GRM4: variants seen among roughly 807,000 people sequenced by gnomAD.
The protein encoded by GRM4 is metabotropic glutamate receptor 4.
A neutral mutation model predicts 81.7 loss-of-function variants in GRM4; 28 were observed. The observed-to-expected ratio is 0.34, with a 90% CI of 0.25 to 0.47. GRM4 has a LOEUF of 0.47. Among genes scored for constraint, GRM4 ranks in the 20% least tolerant of loss-of-function variants. The pLI is 1.00. For synonymous variants in GRM4, 488 were observed against 528.8 expected, an observed-to-expected ratio of 0.92 and a Z score of 1.06; for missense variants, 948 against 1,290.0, an observed-to-expected ratio of 0.73 and a Z score of 4.06.
chr6:34,027,855 A>G (rs1364094704), intron 10 of GRM4, among the ~76,000 whole-genome samples: 1 of 152,122 alleles, frequency 6.6e-6, no homozygotes, highest in Non-Finnish European at 1.5e-5. Flanking sequence ...GGGCGCTGCT[A>G]GGGCACCAGC....
At chr6:34,097,648 C>T (rs902823655) in intron 2 of GRM4, among the ~76,000 whole-genome samples, 4 of 152,190 alleles carry the variant, frequency 2.6e-5, no homozygotes, top group African/African-American at 9.7e-5. Context: ...TCTGAAAACC[C>T]GCTGAGGGCA....
At position 34,111,852 on chromosome 6, in the gene GRM4, A is replaced by AT; in HGVS notation, c.520-19754dup. Among the ~76,000 whole-genome samples, 1 of 152,278 alleles carries AT rather than the reference A, an allele frequency of 6.6e-6. No homozygotes were observed. Among genetic ancestry groups the AT allele is most frequent in the South Asian group, 2.1e-4 (1 of 4,824 alleles). On this transcript the variant is annotated intron_variant, in intron 2 of 10. Coordinates refer to ENST00000538487, the MANE Select transcript of GRM4 (RefSeq NM_000841.4). This position sits in a 1 kb window ranked among gnomAD's most constrained non-coding sequence, Gnocchi z 5.1. ...TCCTCAGTCACCAGCCTGCCCAGGA[A>AT]TTGGCACTGCTTGGGGGAGTGTGGC...
chr6:34,106,771 C>T (rs1378329485), intron 2 of GRM4, among the ~76,000 whole-genome samples: 3 of 152,246 alleles, frequency 2.0e-5, no homozygotes, highest in Non-Finnish European at 4.4e-5. Context: ...GCTAGAGCCC[C>T]AGGACTTAGG....
intron 3 of GRM4, among the ~76,000 whole-genome samples, chr6:34,077,132 C>T (rs190161769): frequency 1.3e-5 from 2 of 152,220 alleles, no homozygotes; most frequent in Admixed American, 6.5e-5. Flanking sequence ...AGGGACTAGA[C>T]GCTCAAGTAA....
At chr6:34,051,847 G>A (rs892110364) in intron 6 of GRM4, among the ~76,000 whole-genome samples, 1 of 152,182 alleles carries the variant, frequency 6.6e-6, no homozygotes, top group Admixed American at 6.5e-5. Context: ...AATGGGAGGG[G>A]ATAATATAAT....
At position 34,036,089 on chromosome 6, in the gene GRM4, G is replaced by A; in HGVS notation, c.2021C>T (p.Thr674Ile). 6.2e-7 allele frequency: 1 copy of A among 1,614,232 alleles called. No individual in the cohort carries two copies. Among genetic ancestry groups the A allele is most frequent in the Non-Finnish European group, 8.5e-7 (1 of 1,180,044 alleles). Residue 674 changes from threonine (T) to isoleucine (I), a missense_variant, in exon 9 of 11, where the codon ACC becomes ATC. Transcript: ENST00000538487. This position sits in a 1 kb window ranked among gnomAD's most constrained non-coding sequence, Gnocchi z 9.0. Reference protein sequence around the residue: ...SISYAALLTKTNRIYRIFEQG... With the variant: ...SISYAALLTKINRIYRIFEQG... ...CTCGAAGATGCGGTAGATGCGGTTG[G>A]TCTTGGTGAGCAGGGCTGCATAGCT...
intron 3 of GRM4, among the ~76,000 whole-genome samples, chr6:34,079,955 A>G (rs1288337163): frequency 6.6e-6 from 1 of 151,732 alleles, no homozygotes; most frequent in Admixed American, 6.6e-5. Flanking sequence ...CTGACCCTCC[A>G]ACGGCTCCCA....
chr6:34,077,011 T>A (rs1278937958), intron 3 of GRM4, among the ~76,000 whole-genome samples: 1 of 151,644 alleles, frequency 6.6e-6, no homozygotes, highest in Non-Finnish European at 1.5e-5. Flanking sequence ...TCTTCCTGTA[T>A]GCTGGAGCTG....
At chr6:34,113,836 T>C (rs991091113) in intron 2 of GRM4, among the ~76,000 whole-genome samples, 4 of 152,074 alleles carry the variant, frequency 2.6e-5, no homozygotes, top group Admixed American at 1.3e-4. Context: ...TGCTTAAAAC[T>C]CTCCAAGGCT....
intron 2 of GRM4, among the ~76,000 whole-genome samples, chr6:34,124,449 C>T (rs918046708): frequency 2.6e-5 from 4 of 152,230 alleles, no homozygotes; most frequent in Non-Finnish European, 4.4e-5. Context: ...TGACGATGCG[C>T]ACTACATGCT....
intron 1 of GRM4, among the ~76,000 whole-genome samples, chr6:34,143,109 TG>T (rs998548776): frequency 6.6e-6 from 1 of 152,002 alleles, no homozygotes; most frequent in African/African-American, 2.4e-5. Context: ...GTGCGGGGTG[TG>T]GGGGGGATAA....
chr6:34,108,618 C>T (rs866443523), intron 2 of GRM4, among the ~76,000 whole-genome samples: 20 of 152,078 alleles, frequency 1.3e-4, no homozygotes, highest in African/African-American at 3.4e-4. Context: ...CCAGTTTCTC[C>T]GAAAGGATGG....
At position 34,022,928 on chromosome 6, in the gene GRM4, C is replaced by T. The variant is rs1763958374; in HGVS notation, c.2690-58G>A. ...TCAGGGGCTGCTTTTCTCAAACTGTCCTTCCACATGGGCACAGCCCTGCAC... is the reference window on the plus strand; with the variant it reads ...TCAGGGGCTGCTTTTCTCAAACTGTTCTTCCACATGGGCACAGCCCTGCAC... On this transcript the variant is annotated intron_variant, in intron 10 of 10. Transcript: ENST00000538487. The surrounding 1 kb of genome is among the most constrained non-coding windows in gnomAD (Gnocchi z 5.6). The T allele has an allele frequency of 7.5e-7, 1 of 1,339,664 alleles. No homozygotes were observed. The highest frequency in any genetic ancestry group is 2.3e-5 in the East Asian group (1 of 43,554). 83.0% of individuals were successfully genotyped at this position (1,339,664 alleles called of 1,614,324 possible). A position where few individuals can be genotyped will look rare whatever the true frequency, so the allele number is the denominator to read the frequency against.
chr6:34,113,599 G>C (rs746562033), intron 2 of GRM4, among the ~76,000 whole-genome samples: 1 of 152,150 alleles, frequency 6.6e-6, no homozygotes, highest in African/African-American at 2.4e-5. Context: ...GGTGGGACTC[G>C]GAGGGAGGAT....
At chr6:34,053,098 C>T (rs989981256) in intron 6 of GRM4, among the ~76,000 whole-genome samples, 1 of 140,266 alleles carries the variant, frequency 7.1e-6, no homozygotes, top group Non-Finnish European at 1.5e-5. Flanking sequence ...TCATTCTCAG[C>T]CAGCCTCCTC....
chr6:34,046,090 A>C (rs1765350426), intron 6 of GRM4, among the ~76,000 whole-genome samples: 1 of 152,116 alleles, frequency 6.6e-6, no homozygotes, highest in Non-Finnish European at 1.5e-5. Context: ...TCACTTCTCC[A>C]CAACTCACCA....
chr6:34,148,407 C>G (rs2483213), upstream of GRM4, among the ~76,000 whole-genome samples: 5 of 151,874 alleles, frequency 3.3e-5, no homozygotes, highest in South Asian at 2.1e-4. Flanking sequence ...GACACACACA[C>G]AGACACATAG....
rs1386387165 is a variant in GRM4, at chr6:34,152,110, G to A, written c.312+2969C>T. ...TGATCGGCAGTTGAGAATACCAGGT[G>A]GGCCCCTCTGTCAATGTCCCCCTAC... is the stretch of plus-strand genomic sequence containing the variant. On this transcript the variant is annotated intron_variant, in intron 1 of 8. Coordinates refer to the GRM4 transcript ENST00000374177. This position sits in a 1 kb window ranked among gnomAD's most constrained non-coding sequence, Gnocchi z 4.1. Among the ~76,000 whole-genome samples, 6 of 152,208 alleles carry A rather than the reference G, an allele frequency of 3.9e-5. No homozygotes were observed. The East Asian group carries it at 9.7e-4, about 25-fold the overall frequency.
In GRM4 at chr6:34,022,996, T is replaced by C. The variant is rs184933751; in HGVS notation, c.2690-126A>G. 1,905 of 779,372 alleles carry C rather than the reference T, an allele frequency of 2.4e-3. 16 individuals carry two copies. Among genetic ancestry groups the C allele is most frequent in the African/African-American group, 0.02 (1,174 of 59,078 alleles). The allele number at this position is 779,372 out of a possible 1,614,324, so 48.3% of individuals were successfully genotyped here. On this transcript the variant is annotated intron_variant, in intron 10 of 10. Coordinates refer to ENST00000538487, the MANE Select transcript of GRM4 (RefSeq NM_000841.4). This position sits in a 1 kb window ranked among gnomAD's most constrained non-coding sequence, Gnocchi z 5.6. ...CCCCGCCTCTCATGGCATCCAGTCC[T>C]GAGCTGAGCAATCGACACTGCCCCA...
Sources: gnomAD v4.1 joint callset for allele counts (sites outside exome capture counted in the v4.1 genomes callset) on GRCh38, gnomAD v4.1.1 for gene constraint, Gnocchi (gnomAD v3.1) non-coding constraint, MANE v1.5 for transcripts, NCBI Gene and HGNC (gene_info 2026-07-23, HGNC 2026-07-21) for gene names.